The following REDIC1 variants were observed in gnomAD, a reference collection of about 807,000 sequenced individuals.
The protein encoded by REDIC1 is HEI10 Interacting Protein 1.
At chr12:39,778,128 C>T in the REDIC1 span, among the ~76,000 whole-genome samples, 1 of 152,132 alleles carries the variant, frequency 6.6e-6, no homozygotes, top group Non-Finnish European at 1.5e-5. Context: ...AGAAGTGAGC[C>T]ACACCCCCAT....
At chr12:39,716,518 G>A in the REDIC1 span, among the ~76,000 whole-genome samples, 8 of 151,884 alleles carry the variant, frequency 5.3e-5, no homozygotes, top group South Asian at 2.1e-4. Context: ...CTTCACTTAC[G>A]TTATATACCC....
chr12:39,824,479 C>T, the REDIC1 span, among the ~76,000 whole-genome samples: 1 of 152,326 alleles, frequency 6.6e-6, no homozygotes, highest in Non-Finnish European at 1.5e-5. Context: ...CTTCCCCTTT[C>T]TTATACCTGT....
chr12:39,797,373 C>A, the REDIC1 span, among the ~76,000 whole-genome samples: 1 of 152,146 alleles, frequency 6.6e-6, no homozygotes, highest in Non-Finnish European at 1.5e-5. Context: ...TAATTATAAT[C>A]CTATTTTCCT....
the REDIC1 span, among the ~76,000 whole-genome samples, chr12:39,848,752 CA>C: frequency 2.6e-5 from 4 of 152,264 alleles, no homozygotes; most frequent in African/African-American, 9.6e-5. Flanking sequence ...TCCACAATAG[CA>C]AAGACATGGA....
the REDIC1 span, among the ~76,000 whole-genome samples, chr12:39,781,536 T>C: frequency 6.6e-6 from 1 of 152,252 alleles, no homozygotes; most frequent in African/African-American, 2.4e-5. Context: ...ATTTCACAAA[T>C]GTAACAAAAT....
the REDIC1 span, among the ~76,000 whole-genome samples, chr12:39,711,536 CAT>C: frequency 9.5e-5 from 11 of 115,534 alleles, no homozygotes; most frequent in African/African-American, 3.7e-4. Context: ...TGTGTATATA[CAT>C]ATATGTATGT....
the REDIC1 span, among the ~76,000 whole-genome samples, chr12:39,751,263 A>G: frequency 6.6e-5 from 10 of 152,262 alleles, no homozygotes; most frequent in Non-Finnish European, 1.3e-4. Flanking sequence ...ACTTCTCAAA[A>G]GAAGACATTT....
the REDIC1 span, among the ~76,000 whole-genome samples, chr12:39,672,510 G>A: frequency 1.3e-5 from 2 of 152,106 alleles, no homozygotes; most frequent in East Asian, 1.9e-4. Flanking sequence ...GGCAGTTGAC[G>A]GGGAGAACCT....
the REDIC1 span, among the ~76,000 whole-genome samples, chr12:39,628,180 GT>G: frequency 6.6e-6 from 1 of 152,094 alleles, no homozygotes. Flanking sequence ...CACAAACATG[GT>G]TGCATTGTAG....
chr12:39,688,958 C>T, the REDIC1 span, among the ~76,000 whole-genome samples: 1 of 152,286 alleles, frequency 6.6e-6, no homozygotes, highest in Non-Finnish European at 1.5e-5. Context: ...CCATCAAAAT[C>T]CATGTACCGT....
the REDIC1 span, among the ~76,000 whole-genome samples, chr12:39,847,099 C>G: frequency 6.6e-6 from 1 of 152,244 alleles, no homozygotes; most frequent in African/African-American, 2.4e-5. Flanking sequence ...TTCTTGTCAC[C>G]TGCAAAGTTG....
At chr12:39,735,350 G>A in the REDIC1 span, among the ~76,000 whole-genome samples, 1 of 152,126 alleles carries the variant, frequency 6.6e-6, no homozygotes, top group South Asian at 2.1e-4. Flanking sequence ...TATTTATTAG[G>A]TAGTGACAGA....
the REDIC1 span, chr12:39,643,746 T>A: frequency 7.1e-7 from 1 of 1,401,516 alleles, no homozygotes; most frequent in Non-Finnish European, 9.8e-7. Context: ...ACCGCATATT[T>A]GCTGCATTGT....
the REDIC1 span, among the ~76,000 whole-genome samples, chr12:39,673,179 A>T: frequency 4.9e-4 from 75 of 152,046 alleles, no homozygotes; most frequent in African/African-American, 1.7e-3. Flanking sequence ...TGTCACTTCT[A>T]TGTTGAATTC....
the REDIC1 span, among the ~76,000 whole-genome samples, chr12:39,738,814 G>A: frequency 6.6e-6 from 1 of 150,898 alleles, no homozygotes; most frequent in Non-Finnish European, 1.5e-5. Flanking sequence ...AGTGACCTTA[G>A]TAATTGTGGG....
chr12:39,773,535 T>C, the REDIC1 span, among the ~76,000 whole-genome samples: 2 of 152,152 alleles, frequency 1.3e-5, no homozygotes, highest in African/African-American at 4.8e-5. Flanking sequence ...ATGTTACCTC[T>C]CCATCATTTA....
chr12:39,897,990 A>T, the REDIC1 span, among the ~76,000 whole-genome samples: 1 of 152,136 alleles, frequency 6.6e-6, no homozygotes, highest in Non-Finnish European at 1.5e-5. Flanking sequence ...ATAAACACTT[A>T]AGAGATGTTA....
chr12:39,690,713 A>T, the REDIC1 span, among the ~76,000 whole-genome samples: 2 of 152,194 alleles, frequency 1.3e-5, no homozygotes, highest in African/African-American at 4.8e-5. Context: ...TTAAGAAAAC[A>T]TATATACTAT....
the REDIC1 span, chr12:39,716,726 A>G: frequency 6.8e-7 from 1 of 1,472,208 alleles, no homozygotes; most frequent in Non-Finnish European, 9.4e-7. Flanking sequence ...CATAAATACC[A>G]TTATTCATGT....
Sources: allele counts gnomAD v4.1 joint callset (sites outside exome capture counted in the v4.1 genomes callset), GRCh38; gene constraint gnomAD v4.1.1; transcripts MANE v1.5; gene names NCBI Gene and HGNC (gene_info 2026-07-23, HGNC 2026-07-21).